The following CNTN5 variants were observed in gnomAD, a reference collection of about 807,000 sequenced individuals.
CNTN5 encodes contactin 5.
A neutral mutation model predicts 129.1 loss-of-function variants in CNTN5; 77 were observed. The ratio of observed to expected loss-of-function variants is 0.60; its 90% CI spans 0.50 to 0.72. The LOEUF (loss-of-function observed/expected upper bound fraction) is 0.72. Among genes scored for constraint, CNTN5 ranks in the 30% least tolerant of loss-of-function variants. CNTN5 has a pLI of 0.00. For synonymous variants in CNTN5, 509 were observed against 465.6 expected (o/e 1.09, Z -1.20); for missense variants, 1,478 against 1,328.8 (o/e 1.11, Z -1.75).
At chr11:99,580,278 G>C (rs1949527419) in intron 3 of CNTN5, among the ~76,000 whole-genome samples, 2 of 152,106 alleles carry the variant, frequency 1.3e-5, no homozygotes, top group Non-Finnish European at 2.9e-5. Context: ...CAAAGATATT[G>C]GTCTAAAATT....
intron 6 of CNTN5, among the ~76,000 whole-genome samples, chr11:99,848,846 T>C (rs1021998644): frequency 3.3e-5 from 5 of 152,220 alleles, no homozygotes; most frequent in African/African-American, 9.6e-5. Context: ...AAGTCTATTT[T>C]TGAGGTACCA....
At chr11:99,090,877 C>A (rs1212349689) in intron 1 of CNTN5, among the ~76,000 whole-genome samples, 1 of 151,776 alleles carries the variant, frequency 6.6e-6, no homozygotes, top group Admixed American at 6.6e-5. Flanking sequence ...AAAAAATTAG[C>A]CCGTCGCGGT....
intron 1 of CNTN5, among the ~76,000 whole-genome samples, chr11:99,121,838 T>C (rs1190968924): frequency 6.6e-6 from 1 of 152,146 alleles, no homozygotes; most frequent in Non-Finnish European, 1.5e-5. Context: ...GCAACAATAA[T>C]GCAGGCAAGC....
chr11:100,078,602 C>G (rs1242291566), intron 13 of CNTN5, among the ~76,000 whole-genome samples: 1 of 152,128 alleles, frequency 6.6e-6, no homozygotes, highest in African/African-American at 2.4e-5. Context: ...GAAAAGAGGA[C>G]TTACTTGCTC....
intron 9 of CNTN5, among the ~76,000 whole-genome samples, chr11:100,051,135 A>G (rs1427168616): frequency 1.3e-5 from 2 of 152,094 alleles, no homozygotes; most frequent in African/African-American, 2.4e-5. Context: ...GAAGACATGA[A>G]CACAGCTATT....
chr11:100,256,412 T>C (rs542143147), intron 17 of CNTN5, among the ~76,000 whole-genome samples: 2 of 152,278 alleles, frequency 1.3e-5, no homozygotes, highest in South Asian at 4.1e-4. Context: ...ATCAAGACAA[T>C]CAGGATATAG....
At chr11:99,785,041 C>G (rs999767378) in intron 3 of CNTN5, among the ~76,000 whole-genome samples, 1 of 147,070 alleles carries the variant, frequency 6.8e-6, no homozygotes, top group African/African-American at 2.4e-5. Flanking sequence ...CCTCGTGATC[C>G]GCCTGCCTCC....
chr11:99,117,512 G>A (rs10790467), intron 1 of CNTN5, among the ~76,000 whole-genome samples: 138,939 of 152,204 alleles, frequency 0.91, 63,526 homozygotes, highest in East Asian at 1. Context: ...TGTGAAATTT[G>A]TCCATGGTGT....
At chr11:99,744,068 A>G (rs1414665020) in intron 3 of CNTN5, among the ~76,000 whole-genome samples, 1 of 152,126 alleles carries the variant, frequency 6.6e-6, no homozygotes, top group Non-Finnish European at 1.5e-5. Flanking sequence ...GCCATATTGG[A>G]AATGGGGGAG....
At chr11:99,623,085 A>G (rs897603767) in intron 3 of CNTN5, among the ~76,000 whole-genome samples, 2 of 152,118 alleles carry the variant, frequency 1.3e-5, no homozygotes, top group Non-Finnish European at 2.9e-5. Context: ...GATTCATTTC[A>G]ATGTAACCTC....
At chr11:100,009,793 C>T (rs537833424) in intron 9 of CNTN5, among the ~76,000 whole-genome samples, 23 of 152,174 alleles carry the variant, frequency 1.5e-4, no homozygotes, top group Non-Finnish European at 2.4e-4. Flanking sequence ...GGATTGGAAA[C>T]GAAAATTTAA....
chr11:99,309,674 A>G (rs1285021621), intron 1 of CNTN5, among the ~76,000 whole-genome samples: 1 of 152,220 alleles, frequency 6.6e-6, no homozygotes, highest in Non-Finnish European at 1.5e-5. Context: ...TGCTATCTAA[A>G]TACCTACAGT....
At chr11:99,911,222 C>T (rs10894154) in intron 6 of CNTN5, among the ~76,000 whole-genome samples, 19,806 of 151,910 alleles carry the variant, frequency 0.13, 1,647 homozygotes, top group Middle Eastern at 0.19. Context: ...TGCATTAAAT[C>T]GTATCTGTGT....
intron 13 of CNTN5, among the ~76,000 whole-genome samples, chr11:100,108,478 A>C (rs1945532607): frequency 6.6e-6 from 1 of 152,162 alleles, no homozygotes; most frequent in South Asian, 2.1e-4. Flanking sequence ...ACAAAGCTTC[A>C]ATAAATACTT....
chr11:100,024,282 C>T (rs185458189), intron 9 of CNTN5, among the ~76,000 whole-genome samples: 54 of 152,268 alleles, frequency 3.5e-4, no homozygotes, highest in Admixed American at 2.6e-3. Flanking sequence ...CCTTGCTTCC[C>T]TTTCACCTTC....
chr11:99,205,837 TAAAAA>T (rs1859452554), intron 1 of CNTN5, among the ~76,000 whole-genome samples: 1 of 151,540 alleles, frequency 6.6e-6, no homozygotes, highest in Non-Finnish European at 1.5e-5. Context: ...TGAAAAAAAA[TAAAAA>T]GAAAAGGCTC....
intron 2 of CNTN5, among the ~76,000 whole-genome samples, chr11:99,445,261 G>C (rs1944016010): frequency 6.6e-6 from 1 of 151,370 alleles, no homozygotes; most frequent in Admixed American, 6.6e-5. Flanking sequence ...TTATTCTTAA[G>C]AGTTCCATTT....
At chr11:99,032,910 T>G (rs1047714037) in intron 1 of CNTN5, among the ~76,000 whole-genome samples, 68 of 139,106 alleles carry the variant, frequency 4.9e-4, no homozygotes, top group Non-Finnish European at 9.5e-4. Flanking sequence ...GGTCTAACGT[T>G]TAAGTCTTTA....
intron 1 of CNTN5, among the ~76,000 whole-genome samples, chr11:99,032,974 C>A (rs1455994410): frequency 7.5e-6 from 1 of 132,726 alleles, no homozygotes; most frequent in East Asian, 2.5e-4. Flanking sequence ...CCAGTTTCAG[C>A]TTTCTGCATA....
Sources: gnomAD v4.1 joint callset for allele counts (sites outside exome capture counted in the v4.1 genomes callset) on GRCh38, gnomAD v4.1.1 for gene constraint, MANE v1.5 for transcripts, NCBI Gene and HGNC (gene_info 2026-07-23, HGNC 2026-07-21) for gene names.